MEF2B: variants seen among roughly 807,000 people sequenced by gnomAD.
MEF2B encodes myocyte-specific enhancer factor 2B.
In MEF2B, 15 loss-of-function variants were observed where a neutral mutation model predicts 32.2. The observed-to-expected ratio is 0.47, with a 90% CI of 0.31 to 0.72. The LOEUF (loss-of-function observed/expected upper bound fraction) is 0.72, where lower values mean the gene tolerates loss of function less well. MEF2B is among the 30% of genes least tolerant of loss of function. The pLI is 0.05. For synonymous variants in MEF2B, 205 were observed against 225.6 expected (o/e 0.91, Z 0.82); for missense variants, 441 against 511.5 (o/e 0.86, Z 1.33).
chr19:19,155,025 C>T (rs1002401765), intron 1 of MEF2B, among the ~76,000 whole-genome samples: 2 of 152,180 alleles, frequency 1.3e-5, no homozygotes, highest in Non-Finnish European at 2.9e-5. Context: ...GATGAACTCA[C>T]GCAGGAGTTT....
At chr19:19,151,350 G>A (rs532467896) in intron 1 of MEF2B, among the ~76,000 whole-genome samples, 2 of 152,232 alleles carry the variant, frequency 1.3e-5, no homozygotes, top group Admixed American at 1.3e-4. Context: ...TTGGGCCAGG[G>A]TGTGGGCCTG....
intron 1 of MEF2B, among the ~76,000 whole-genome samples, chr19:19,169,515 C>T (rs76929385): frequency 0.012 from 1,887 of 152,226 alleles, 18 homozygotes; most frequent in Middle Eastern, 0.027. Context: ...CTATTTCTGA[C>T]TAATTGGGTC....
chr19:19,169,224 C>T (rs536653243), intron 1 of MEF2B, among the ~76,000 whole-genome samples: 176 of 151,894 alleles, frequency 1.2e-3, no homozygotes, highest in Middle Eastern at 3.4e-3. Flanking sequence ...GGTAGTGGCA[C>T]GCGCCTGTAA....
chr19:19,169,578 C>G (rs1470728086), intron 1 of MEF2B, among the ~76,000 whole-genome samples: 1 of 152,080 alleles, frequency 6.6e-6, no homozygotes, highest in Non-Finnish European at 1.5e-5. Flanking sequence ...ATCTGCAGCC[C>G]TGGACCCCAA....
At chr19:19,156,033 T>G (rs182789695) in intron 1 of MEF2B, among the ~76,000 whole-genome samples, 21 of 152,114 alleles carry the variant, frequency 1.4e-4, no homozygotes, top group African/African-American at 4.6e-4. Context: ...TGTAGTTGGA[T>G]GTAGACGCAG....
At chr19:19,160,970 G>A (rs1291309699) in intron 1 of MEF2B, among the ~76,000 whole-genome samples, 1 of 152,108 alleles carries the variant, frequency 6.6e-6, no homozygotes, top group Non-Finnish European at 1.5e-5. Context: ...TCAGTTCACA[G>A]CGGTCCCTGG....
chr19:19,148,050 A>T (rs1219445421), intron 3 of MEF2B, among the ~76,000 whole-genome samples: 1 of 152,260 alleles, frequency 6.6e-6, no homozygotes, highest in African/African-American at 2.4e-5. Context: ...ACCTGCCCAG[A>T]TCAACACAGC....
At chr19:19,164,511 C>T (rs1331159734) in intron 1 of MEF2B, among the ~76,000 whole-genome samples, 2 of 152,200 alleles carry the variant, frequency 1.3e-5, no homozygotes, top group African/African-American at 4.8e-5. Flanking sequence ...GCACCCTCAC[C>T]TGCCAAGAAG....
At chr19:19,149,168 C>T in intron 3 of MEF2B, 58 bp downstream of exon 3, 2 of 1,595,094 alleles carry the variant, frequency 1.3e-6, no homozygotes, top group Non-Finnish European at 1.7e-6. Flanking sequence ...AGTCCCTGGG[C>T]TCTGAGAAAG....
In MEF2B at chr19:19,152,380, C is replaced by CA. The variant is rs749560348; in HGVS notation, c.-29-1617dup. 2.9e-3 allele frequency among the ~76,000 whole-genome samples: 331 copies of CA among 113,314 alleles called. 9 individuals carry two copies. Among genetic ancestry groups the CA allele is most frequent in the Middle Eastern group, 8.8e-3 (2 of 228 alleles). The allele number at this position is 113,314 out of a possible 152,430, so 74.3% of individuals were successfully genotyped here. On this transcript the variant is annotated intron_variant, in intron 1 of 8. Coordinates refer to ENST00000424583, the MANE Select transcript of MEF2B (RefSeq NM_001145785.2). ...TGGGTGATAGAGCAAGACTCTGTCT[C>CA]AAAAAAAAAAAAGAAAAAGAAAAAG...
chr19:19,155,982 CAGG>C (rs1210400133), intron 1 of MEF2B, among the ~76,000 whole-genome samples: 2 of 152,124 alleles, frequency 1.3e-5, no homozygotes, highest in South Asian at 2.1e-4. Context: ...GAAGAAAGAA[CAGG>C]AGAAGAAACC....
chr19:19,150,745 C>A lies in MEF2B; in HGVS notation c.-10G>T, dbSNP rs2146359415. The A allele has an allele frequency of 6.2e-7, 1 of 1,614,044 alleles. No homozygotes were observed. The highest frequency in any genetic ancestry group is 8.5e-7 in the Non-Finnish European group (1 of 1,180,022). ...TTTTTTTCCTCCCCATCGTCCCAGG[C>A]TGAGTGGAATGATCTTTGTCTAGGA... On this transcript the variant is annotated 5_prime_UTR_variant, in exon 2 of 9. Coordinates refer to ENST00000424583, the MANE Select transcript of MEF2B (RefSeq NM_001145785.2).
At chr19:19,169,777 G>C (rs2146392123) in intron 1 of MEF2B, among the ~76,000 whole-genome samples, 1 of 152,220 alleles carries the variant, frequency 6.6e-6, no homozygotes, top group Admixed American at 6.5e-5. Flanking sequence ...TGACAAACGA[G>C]TGTACACCCA....
intron 1 of MEF2B, among the ~76,000 whole-genome samples, chr19:19,168,263 T>C (rs2060224996): frequency 6.8e-6 from 1 of 147,316 alleles, no homozygotes. Flanking sequence ...TTTTGTTTCT[T>C]TCTTCTTTTT....
rs1045458141 is a variant in MEF2B, at chr19:19,149,978, G to A, written c.55-549C>T. Among the ~76,000 whole-genome samples, 64 of 150,660 alleles carry A rather than the reference G, an allele frequency of 4.2e-4. 1 individual carries two copies. Among genetic ancestry groups the A allele is most frequent in the Admixed American group, 3.3e-3 (50 of 15,034 alleles). On this transcript the variant is annotated intron_variant, in intron 2 of 8. Coordinates refer to ENST00000424583, the MANE Select transcript of MEF2B (RefSeq NM_001145785.2). The stretch of plus-strand genomic sequence containing the variant: ...TGGGCGCCTGTAATCCCAGCTGTTC[G>A]GAAAGCTGAGGCAGGAGAATCACTT...
Position 19,150,588 on chromosome 19 carries a change from C to T in MEF2B, c.54+94G>A, listed in dbSNP as rs3729765. On this transcript the variant is annotated intron_variant, in intron 2 of 8. Transcript: ENST00000424583. ...AGGACTCCTCATGCCTCCTCATTCC[C>T]CTGCAGTTCAATTGGTCAGGTCAGT... The T allele has an allele frequency of 3.3e-3, 5,052 of 1,550,140 alleles. 145 individuals are homozygous for T. In the African/African-American group the frequency reaches 0.058, roughly 18 times the overall value.
chr19:19,160,715 C>T (rs542815612), intron 1 of MEF2B, among the ~76,000 whole-genome samples: 1 of 152,192 alleles, frequency 6.6e-6, no homozygotes, highest in East Asian at 1.9e-4. Context: ...GGCCTGCCGC[C>T]CCGCCTCACG....
chr19:19,162,060 G>A (rs938306510), intron 1 of MEF2B, among the ~76,000 whole-genome samples: 10 of 151,932 alleles, frequency 6.6e-5, no homozygotes, highest in Admixed American at 1.3e-4. Flanking sequence ...TGCCTACTTC[G>A]GCCTCCCAAA....
At chr19:19,157,849 A>AAAAAAAC (rs1285118290) in intron 1 of MEF2B, among the ~76,000 whole-genome samples, 1 of 152,098 alleles carries the variant, frequency 6.6e-6, no homozygotes, top group Non-Finnish European at 1.5e-5. Context: ...CTCTGTGTCA[A>AAAAAAAC]AAAAAACAAA....
Sources: gnomAD v4.1 joint callset for allele counts (sites outside exome capture counted in the v4.1 genomes callset) on GRCh38, gnomAD v4.1.1 for gene constraint, MANE v1.5 for transcripts, NCBI Gene and HGNC (gene_info 2026-07-23, HGNC 2026-07-21) for gene names.